Variants in SH2B2 observed in about 807,000 individuals in gnomAD.
SH2B2 encodes the protein SH2B adaptor protein 2, also known as SH2B adapter protein 2.
Under a neutral mutation model 35.7 loss-of-function variants are expected in SH2B2, and 37 were observed. The observed-to-expected ratio is 1.04, with a 90% CI of 0.80 to 1.36. The LOEUF is 1.36. Ranked by LOEUF, SH2B2 falls within the 40% of genes most tolerant of loss-of-function variation. The probability of loss-of-function intolerance (pLI) is 0.00; values close to 1 mark genes in which losing one functional copy is unlikely to be tolerated. For missense variants in SH2B2, 852 were observed against 817.7 expected, an observed-to-expected ratio of 1.04 and a Z score of -0.51; for synonymous variants, 383 against 376.4, an observed-to-expected ratio of 1.02 and a Z score of -0.20.
chr7:102,303,061 C>T (rs1554554232), intron 2 of SH2B2, among the ~76,000 whole-genome samples: 1 of 151,472 alleles, frequency 6.6e-6, no homozygotes. Context: ...TGGAGAAACC[C>T]CGTCTCTAAT....
chr7:102,297,261 CA>C lies in SH2B2; in HGVS notation c.-29-3253del, dbSNP rs1315414964. 6.6e-6 allele frequency among the ~76,000 whole-genome samples: 1 copy of C among 151,562 alleles called. No individual in the cohort carries two copies. ...TAGGAGTTGTCTGGGTTATTAGATC[CA>C]AAAAAAATGTAGCGGGCCAGGTGCA... is the stretch of plus-strand genomic sequence containing the variant. On this transcript the variant is annotated intron_variant, in intron 1 of 8. Coordinates refer to ENST00000444095, the MANE Select transcript of SH2B2 (RefSeq NM_001359228.2). The surrounding 1 kb of genome is among the most constrained non-coding windows in gnomAD (Gnocchi z 4.3).
intron 1 of SH2B2, among the ~76,000 whole-genome samples, chr7:102,293,978 A>G (rs1374885335): frequency 6.6e-6 from 1 of 151,250 alleles, no homozygotes; most frequent in Non-Finnish European, 1.5e-5. Context: ...GGTCTTGGAG[A>G]TCAGAGGGGG....
At position 102,310,803 on chromosome 7, in the gene SH2B2, T is replaced by C. The variant is rs1586594115; in HGVS notation, c.923+1897T>C. 5.9e-5 allele frequency among the ~76,000 whole-genome samples: 9 copies of C among 152,264 alleles called. No individual in the cohort carries two copies. In the South Asian group the frequency reaches 1.9e-3, roughly 32 times the overall value. ...TCCCCAGCCGCTGTGAAGGTGAACC[T>C]CACTTAGTGGAATTTTCGAGCTGGC... On this transcript the variant is annotated intron_variant, in intron 4 of 8. Transcript: ENST00000444095.
intron 1 of SH2B2, among the ~76,000 whole-genome samples, chr7:102,287,528 G>A (rs1792502760): frequency 6.6e-6 from 1 of 152,180 alleles, no homozygotes; most frequent in South Asian, 2.1e-4. Flanking sequence ...AGGGCCACGG[G>A]ATGGGATCGG....
chr7:102,298,914 CTTTTTTT>C (rs1182008499), intron 1 of SH2B2, among the ~76,000 whole-genome samples: 2,218 of 93,348 alleles, frequency 0.024, 52 homozygotes, highest in African/African-American at 0.093. Flanking sequence ...TCTTTCTTCT[CTTTTTTT>C]TTTTTTTTTT....
chr7:102,301,579 T>C (rs1410409399), intron 2 of SH2B2, among the ~76,000 whole-genome samples: 3 of 148,684 alleles, frequency 2.0e-5, no homozygotes, highest in African/African-American at 7.8e-5. Context: ...TGTGTGTGTG[T>C]GTGCGCGCGC....
chr7:102,292,095 C>T (rs184896067), intron 1 of SH2B2, among the ~76,000 whole-genome samples: 61 of 152,210 alleles, frequency 4.0e-4, no homozygotes, highest in African/African-American at 1.4e-3. Context: ...GAAGGCATGG[C>T]TGGGCAGGTT....
chr7:102,300,786 G>A lies in SH2B2; in HGVS notation c.236G>A (p.Arg79His), dbSNP rs1366918506. 2.6e-6 allele frequency: 4 copies of A among 1,514,058 alleles called. No homozygotes were observed. The highest frequency in any genetic ancestry group is 2.7e-6 in the Non-Finnish European group (3 of 1,126,116). The allele number at this position is 1,514,058 out of a possible 1,614,324, so 93.8% of individuals were successfully genotyped here. Reference protein sequence around the residue: ...FLDVFGEEVRRVLVAGPTTRG... With the variant: ...FLDVFGEEVRHVLVAGPTTRG... ...GACGTCTTCGGCGAGGAGGTGCGCCGCGTGCTGGTGGCTGGGCCGACGACT... is the reference window on the plus strand; with the variant it reads ...GACGTCTTCGGCGAGGAGGTGCGCCACGTGCTGGTGGCTGGGCCGACGACT... Residue 79 changes from arginine (R) to histidine (H), a missense_variant, in exon 2 of 9, where the codon CGC (arginine) becomes CAC (histidine). Physicochemically the swap from Arg to His is conservative, Grantham distance 29. Transcript: ENST00000444095.
In SH2B2 at chr7:102,295,885, C is replaced by T. The variant is rs140185601; in HGVS notation, c.-29-4637C>T. 6.0e-3 allele frequency among the ~76,000 whole-genome samples: 917 copies of T among 152,264 alleles called. 4 individuals are homozygous for T. The highest frequency in any genetic ancestry group is 0.03 in the South Asian group (143 of 4,826). On this transcript the variant is annotated intron_variant, in intron 1 of 8. Transcript: ENST00000444095. ...CTTCCCCCACCTTCGTGAACTCTAACCACCACCACCACTACCCAACTGCCA... is the reference window on the plus strand; with the variant it reads ...CTTCCCCCACCTTCGTGAACTCTAATCACCACCACCACTACCCAACTGCCA...
rs1446640541 is a variant in SH2B2, at chr7:102,318,141, T to C, written c.1395+746T>C. Among the ~76,000 whole-genome samples the C allele has an allele frequency of 5.9e-5, 9 of 152,038 alleles. 1 individual carries two copies. The highest frequency in any genetic ancestry group is 5.9e-4 in the Admixed American group (9 of 15,252). On this transcript the variant is annotated intron_variant, in intron 7 of 8. Transcript: ENST00000444095. ...TATATTGACCTGAAATGCTTTGTTT[T>C]TGTTTTTGTTTTTTTTTGAGACAGT...
chr7:102,305,893 CT>C (rs1292537190), intron 2 of SH2B2, among the ~76,000 whole-genome samples: 435 of 107,288 alleles, frequency 4.1e-3, no homozygotes, highest in African/African-American at 9.9e-3. Flanking sequence ...TTTTTTTTTT[CT>C]TTTTTTTTTT....
rs1193124475 is a variant in SH2B2 at position 102,301,189 on chromosome 7, G to T, written c.639G>T (p.Gly213=). 19 of 1,585,860 alleles carry T rather than the reference G, an allele frequency of 1.2e-5. No homozygotes were observed. The highest frequency in any genetic ancestry group is 4.1e-5 in the African/African-American group (3 of 73,172). ...CCGACGACGCGGCCGCGGGCTCCGG[G>T]GGCTCGGCTCAGTGGCAGAAGTGCC... is the stretch of plus-strand genomic sequence containing the variant. The part of the protein sequence containing the change: ...MVADDAAAGS[G]GSAQWQKCRL... The change falls in exon 2 of 9, where the codon GGG becomes GGT. Residue 213 remains glycine (G), a synonymous_variant. Transcript: ENST00000444095.
rs1554555369 is a variant in SH2B2, at chr7:102,308,830, G to A, written c.847G>A (p.Glu283Lys). The A allele has an allele frequency of 3.7e-6, 6 of 1,613,612 alleles. No individual in the cohort carries two copies. The highest frequency in any genetic ancestry group is 4.2e-6 in the Non-Finnish European group (5 of 1,179,784). The change falls in exon 4 of 9, where the codon GAA (glutamate) becomes AAA (lysine). Residue 283 changes from glutamate (E) to lysine (K), a missense_variant. Physicochemically the swap from Glu to Lys is moderately conservative, Grantham distance 56 (BLOSUM62 1). Coordinates refer to ENST00000444095, the MANE Select transcript of SH2B2 (RefSeq NM_001359228.2). ...TFVLKVENGA[E>K]YILETIDSLQ... is the part of the protein sequence containing the mutation. ...TCCTCCCCAGGTAGAGAATGGAGCC[G>A]AATACATCTTGGAGACCATCGACTC...
chr7:102,313,941 A>C (rs1212893721), intron 4 of SH2B2, among the ~76,000 whole-genome samples: 1 of 151,988 alleles, frequency 6.6e-6, no homozygotes, highest in Non-Finnish European at 1.5e-5. Context: ...TTTAGGTTTT[A>C]TGACTACGTT....
At chr7:102,285,984 C>T (rs1377856416), upstream of SH2B2, among the ~76,000 whole-genome samples, 3 of 152,210 alleles carry the variant, frequency 2.0e-5, no homozygotes, top group African/African-American at 4.8e-5. Context: ...AGAGCCCCCG[C>T]GCTGTGCCCT....
chr7:102,317,040 T>G (rs1024304925), intron 6 of SH2B2, 147 bp from the exon 7 acceptor site: 2 of 721,716 alleles, frequency 2.8e-6, no homozygotes, highest in Non-Finnish European at 4.3e-6. Context: ...AAATAAAAAC[T>G]AAAAACCAAC....
At chr7:102,309,134 C>A in intron 4 of SH2B2, 1 of 649,464 alleles carries the variant, frequency 1.5e-6, no homozygotes, top group Non-Finnish European at 2.8e-6. Flanking sequence ...GCCTGGGGAC[C>A]TGGAAGGAAG....
intron 2 of SH2B2, 130 bp downstream of exon 2, chr7:102,301,409 GC>G: frequency 8.7e-7 from 1 of 1,152,152 alleles, no homozygotes; most frequent in Non-Finnish European, 1.2e-6. Flanking sequence ...AGTATTTGGT[GC>G]CAGGACCCTG....
intron 1 of SH2B2, among the ~76,000 whole-genome samples, chr7:102,288,528 G>A (rs1280571880): frequency 1.3e-5 from 2 of 152,018 alleles, no homozygotes; most frequent in African/African-American, 4.8e-5. Flanking sequence ...TTTTACCCTT[G>A]TTGTGAAAAA....
Sources: gnomAD v4.1 joint callset for allele counts (sites outside exome capture counted in the v4.1 genomes callset) on GRCh38, gnomAD v4.1.1 for gene constraint, Gnocchi (gnomAD v3.1) non-coding constraint, MANE v1.5 for transcripts, NCBI Gene and HGNC (gene_info 2026-07-23, HGNC 2026-07-21) for gene names.